SLC35B2: variants seen among roughly 807,000 people sequenced by gnomAD.
SLC35B2 encodes the protein adenosine 3'-phospho 5'-phosphosulfate transporter 1.
A neutral mutation model predicts 37.9 loss-of-function variants in SLC35B2; 19 were observed. The ratio of observed to expected loss-of-function variants is 0.50; its 90% CI spans 0.35 to 0.74. SLC35B2 has a LOEUF of 0.74. Ranked by LOEUF, SLC35B2 falls within the 30% of genes least tolerant of loss-of-function variation. The pLI, the probability that SLC35B2 is intolerant of heterozygous loss-of-function variation, is 0.01. For synonymous variants in SLC35B2, 277 were observed against 225.2 expected, an observed-to-expected ratio of 1.23 and a Z score of -2.06; for missense variants, 633 against 547.6, an observed-to-expected ratio of 1.16 and a Z score of -1.56.
Position 44,256,183 on chromosome 6 carries a change from C to T in SLC35B2, c.360+159G>A, listed in dbSNP as rs531977409. 3.3e-5 allele frequency among the ~76,000 whole-genome samples: 5 copies of T among 152,300 alleles called. No homozygotes were observed. The East Asian group carries it at 9.6e-4, about 29-fold the overall frequency. On this transcript the variant is annotated intron_variant, in intron 3 of 3. Coordinates refer to ENST00000393812, the MANE Select transcript of SLC35B2 (RefSeq NM_178148.4). ...AAAGGAAGAAACAAAAGGGCATTTC[C>T]CCCAAACACCTCAAAGATGGAGGTG...
intron 2 of SLC35B2, 57 bp downstream of exon 2, chr6:44,256,628 C>T: frequency 6.2e-7 from 1 of 1,611,900 alleles, no homozygotes; most frequent in Non-Finnish European, 8.5e-7. Context: ...GTTTGGACTG[C>T]TGGCCAAATA....
At position 44,254,848 on chromosome 6, in the gene SLC35B2, T is replaced by C; in HGVS notation, c.1157A>G (p.Tyr386Cys). The C allele has an allele frequency of 1.2e-6, 2 of 1,613,944 alleles. No homozygotes were observed. Among genetic ancestry groups the C allele is most frequent in the South Asian group, 1.1e-5 (1 of 91,066 alleles). ...TCCCACCACAGTGACAGTGTGGCCA[T>C]AGAGAAGGCAGGAAAGAAGGATGGC... ...AFAILLSCLL[Y>C]GHTVTVVGGL... The change falls in exon 4 of 4, where the codon TAT (tyrosine) becomes TGT (cysteine). Residue 386 changes from tyrosine to cysteine, a missense_variant. Coordinates refer to ENST00000393812, the MANE Select transcript of SLC35B2 (RefSeq NM_178148.4).
Position 44,254,781 on chromosome 6 carries a change from T to G in SLC35B2, c.1224A>C (p.Arg408Ser). ...GCTTTAGACGGCCCCGCGCGTAGAC[T>G]CTGAGCAGGAGGGCAGCAAAGACCA... ...VAVVFAALLLRVYARGRLKQR... is the reference protein window; with the variant it reads ...VAVVFAALLLSVYARGRLKQR... Residue 408 changes from arginine to serine, a missense_variant, in exon 4 of 4, where the codon AGA (arginine) becomes AGC (serine). Transcript: ENST00000393812. 6.2e-7 allele frequency: 1 copy of G among 1,613,902 alleles called. No homozygotes were observed. The highest frequency in any genetic ancestry group is 8.5e-7 in the Non-Finnish European group (1 of 1,179,886).
chr6:44,257,107 C>T, intron 1 of SLC35B2: 2 of 617,266 alleles, frequency 3.2e-6, no homozygotes, highest in Non-Finnish European at 5.4e-6. Flanking sequence ...CCTCTGGCCA[C>T]ACAGGTCTCC....
In SLC35B2 at chr6:44,255,579, G is replaced by A. The variant is rs1038046086; in HGVS notation, c.426C>T (p.Ala142=). 6.2e-7 allele frequency: 1 copy of A among 1,614,210 alleles called. No homozygotes were observed. The highest frequency in any genetic ancestry group is 8.5e-7 in the Non-Finnish European group (1 of 1,180,040). The part of the protein sequence containing the change: ...RVMTRSYGAT[A]TSPGERFTDS... ...CCGTAAAGCGCTCACCCGGTGATGTGGCTGTGGCCCCATAGCTGCGGGTCA... is the reference window on the plus strand; with the variant it reads ...CCGTAAAGCGCTCACCCGGTGATGTAGCTGTGGCCCCATAGCTGCGGGTCA... The change falls in exon 4 of 4, where the codon GCC becomes GCT. Residue 142 remains alanine (A), a synonymous_variant. Coordinates refer to ENST00000393812, the MANE Select transcript of SLC35B2 (RefSeq NM_178148.4).
In SLC35B2 at chr6:44,254,200, A is replaced by G. The variant is rs1781103282; in HGVS notation, c.*506T>C. On this transcript the variant is annotated 3_prime_UTR_variant, in exon 4 of 4. Transcript: ENST00000393812. Reference sequence around the variant, plus strand: ...GCAACAGGCTCATGGAACAGAGCCTAGGGATCCAGGAGCATAGGAGGTGGT... The same window carrying G: ...GCAACAGGCTCATGGAACAGAGCCTGGGGATCCAGGAGCATAGGAGGTGGT... 4.8e-6 allele frequency: 1 copy of G among 210,050 alleles called. No homozygotes were observed. Among genetic ancestry groups the G allele is most frequent in the African/African-American group, 2.4e-5 (1 of 42,236 alleles). 13.0% of individuals were successfully genotyped at this position (210,050 alleles called of 1,614,324 possible).
upstream of SLC35B2, chr6:44,257,582 ACGCAGCGCCCCGGGCCGCCGCCGGAC>A (rs1781710201): frequency 6.2e-6 from 3 of 485,020 alleles, no homozygotes; most frequent in South Asian, 9.5e-5. Context: ...TGCCGCGACC[ACGCAGCGCCCCGGGCCGCCGCCGGAC>A]CACAGCGCCC....
In SLC35B2 at chr6:44,255,432, C is replaced by T; in HGVS notation, c.573G>A (p.Leu191=). ...APMYRYSFAS[L]SNVLSSWCQY... ...GGCACCAGCTGCTAAGCACATTGGA[C>T]AGGCTGGCAAAGGAGTACCGGTACA... is the stretch of plus-strand genomic sequence containing the variant. Residue 191 remains leucine, a synonymous_variant, in exon 4 of 4, where the codon CTG becomes CTA. Coordinates refer to ENST00000393812, the MANE Select transcript of SLC35B2 (RefSeq NM_178148.4). The T allele has an allele frequency of 1.9e-6, 3 of 1,614,244 alleles. No homozygotes were observed. The highest frequency in any genetic ancestry group is 2.5e-6 in the Non-Finnish European group (3 of 1,180,040).
chr6:44,256,926 T>A (rs1300429032), intron 1 of SLC35B2, 48 bp from the exon 2 acceptor site: 1 of 1,551,666 alleles, frequency 6.4e-7, no homozygotes, highest in Admixed American at 2.0e-5. Context: ...CCTCATCCCC[T>A]CCGCCCTCCA....
chr6:44,257,303 G>T (rs1282268525), intron 1 of SLC35B2, 97 bp downstream of exon 1: 4 of 1,262,706 alleles, frequency 3.2e-6, no homozygotes, highest in South Asian at 4.6e-5. Flanking sequence ...GCCGACGGCC[G>T]AGCAGCCGGG....
At chr6:44,256,202 G>A (rs1781474907) in intron 3 of SLC35B2, 140 bp downstream of exon 3, 1 of 1,038,630 alleles carries the variant, frequency 9.6e-7, no homozygotes, top group Non-Finnish European at 1.4e-6. Flanking sequence ...CCTCAAAGAT[G>A]GAGGTGCAGT....
chr6:44,254,454 A>G lies in SLC35B2; in HGVS notation c.*252T>C, dbSNP rs573670841. On this transcript the variant is annotated 3_prime_UTR_variant, in exon 4 of 4. Transcript: ENST00000393812. The stretch of plus-strand genomic sequence containing the variant: ...ACCTACCTATGCTCTCTTGACCCCA[A>G]ACTCCCCAAAACCCCTCACTGAGGA... 3.4e-5 allele frequency: 17 copies of G among 495,378 alleles called. No individual in the cohort carries two copies. The highest frequency in any genetic ancestry group is 9.8e-4 in the Middle Eastern group (2 of 2,034). The allele number at this position is 495,378 out of a possible 1,614,324, so 30.7% of individuals were successfully genotyped here.
At chr6:44,257,021 C>T in intron 1 of SLC35B2, 143 bp from the exon 2 acceptor site, 1 of 925,432 alleles carries the variant, frequency 1.1e-6, no homozygotes, top group Admixed American at 3.2e-5. Flanking sequence ...GCCTCTCTCT[C>T]TCTCTCTCTC....
chr6:44,255,363 C>G lies in SLC35B2; in HGVS notation c.642G>C (p.Leu214=). 6.2e-7 allele frequency: 1 copy of G among 1,614,260 alleles called. No homozygotes were observed. The highest frequency in any genetic ancestry group is 8.5e-7 in the Non-Finnish European group (1 of 1,180,040). The change falls in exon 4 of 4, where the codon CTG becomes CTC. Residue 214 remains leucine, a synonymous_variant. Coordinates refer to ENST00000393812, the MANE Select transcript of SLC35B2 (RefSeq NM_178148.4). The part of the protein sequence containing the change: ...LKFVSFPTQV[L]AKASKVIPVM... The stretch of plus-strand genomic sequence containing the variant: ...CAGGGATCACCTTAGAGGCCTTGGC[C>G]AGCACCTGGGTGGGGAAGCTGACGA...
At chr6:44,256,904 T>C (rs1460943025) in intron 1 of SLC35B2, 26 bp from the exon 2 acceptor site, 2 of 1,583,242 alleles carry the variant, frequency 1.3e-6, no homozygotes, top group Non-Finnish European at 1.7e-6. Flanking sequence ...ACATAAGGAT[T>C]AGGGCGCAGC....
At position 44,254,636 on chromosome 6, in the gene SLC35B2, T is replaced by G; in HGVS notation, c.*70A>C. Reference sequence around the variant, plus strand: ...CATTTTGCCCTTTCAGCCAGCTCCCTCAGAGGTTACAGCAGAAGGGGATGG... The same window carrying G: ...CATTTTGCCCTTTCAGCCAGCTCCCGCAGAGGTTACAGCAGAAGGGGATGG... On this transcript the variant is annotated 3_prime_UTR_variant, in exon 4 of 4. Transcript: ENST00000393812. 1 of 1,509,500 alleles carries G rather than the reference T, an allele frequency of 6.6e-7. No homozygotes were observed. 93.5% of individuals were successfully genotyped at this position (1,509,500 alleles called of 1,614,324 possible). A position where few individuals can be genotyped will look rare whatever the true frequency, so the allele number is the denominator to read the frequency against.
chr6:44,254,730 AACAGGC>A lies in SLC35B2; in HGVS notation c.1269_1274del (p.Pro424_Val425del). ...CTCAAACCTTCTGCACAGGAGACTC[AACAGGC>A]ACAGCCTTCTTTCCCCGTTGCTTTA... On this transcript the variant is annotated inframe_deletion, in exon 4 of 4. Coordinates refer to ENST00000393812, the MANE Select transcript of SLC35B2 (RefSeq NM_178148.4). The A allele has an allele frequency of 1.2e-6, 2 of 1,613,272 alleles. No homozygotes were observed. The highest frequency in any genetic ancestry group is 2.2e-5 in the South Asian group (2 of 91,054).
Position 44,254,794 on chromosome 6 carries a change from G to C in SLC35B2, c.1211C>G (p.Ala404Gly). The C allele has an allele frequency of 1.9e-6, 3 of 1,614,180 alleles. No individual in the cohort carries two copies. Among genetic ancestry groups the C allele is most frequent in the Non-Finnish European group, 2.5e-6 (3 of 1,180,048 alleles). ...CCGCGCGTAGACTCTGAGCAGGAGG[G>C]CAGCAAAGACCACAGCCACCCCCAG... Reference protein sequence around the residue: ...GGLGVAVVFAALLLRVYARGR... With the variant: ...GGLGVAVVFAGLLLRVYARGR... The change falls in exon 4 of 4, where the codon GCC (alanine) becomes GGC (glycine). Residue 404 changes from alanine (A) to glycine (G), a missense_variant. Transcript: ENST00000393812.
At chr6:44,257,052 C>T in intron 1 of SLC35B2, 174 bp from the exon 2 acceptor site, 2 of 767,322 alleles carry the variant, frequency 2.6e-6, no homozygotes, top group South Asian at 2.1e-5. Context: ...GGTGCGCCGG[C>T]GCTGGCCAGG....
Sources: allele counts gnomAD v4.1 joint callset (sites outside exome capture counted in the v4.1 genomes callset), GRCh38; gene constraint gnomAD v4.1.1; transcripts MANE v1.5; gene names NCBI Gene and HGNC (gene_info 2026-07-23, HGNC 2026-07-21).